The following TNR variants were observed in gnomAD, a reference collection of about 807,000 sequenced individuals.
TNR encodes the protein tenascin-R.
Under a neutral mutation model 150.4 loss-of-function variants are expected in TNR, and 45 were observed. The observed-to-expected ratio is 0.30, with a 90% CI of 0.24 to 0.38. TNR has a LOEUF of 0.38. TNR is among the 10% of genes least tolerant of loss of function. The pLI, the probability that TNR is intolerant of heterozygous loss-of-function variation, is 1.00. For synonymous variants in TNR, 687 were observed against 678.4 expected (o/e 1.01, Z -0.20); for missense variants, 1,544 against 1,759.1 (o/e 0.88, Z 2.19).
intron 1 of TNR, among the ~76,000 whole-genome samples, chr1:175,667,654 C>T (rs1166885969): frequency 2.6e-5 from 4 of 152,164 alleles, no homozygotes; most frequent in Non-Finnish European, 5.9e-5. Flanking sequence ...AGAGGATGGG[C>T]ATTGTCGGGA....
At chr1:175,472,946 C>T (rs1053612964) in intron 2 of TNR, among the ~76,000 whole-genome samples, 2 of 152,094 alleles carry the variant, frequency 1.3e-5, no homozygotes, top group Non-Finnish European at 2.9e-5. Context: ...GGAGATGACA[C>T]TGAGTTAGAA....
At chr1:175,435,609 C>T (rs755720815) in intron 2 of TNR, among the ~76,000 whole-genome samples, 40 of 152,122 alleles carry the variant, frequency 2.6e-4, no homozygotes, top group African/African-American at 2.9e-4. Context: ...AAATGAGCGG[C>T]GTGAGTGTAG....
At chr1:175,666,747 C>T (rs1002958136) in intron 1 of TNR, among the ~76,000 whole-genome samples, 1 of 152,142 alleles carries the variant, frequency 6.6e-6, no homozygotes, top group Non-Finnish European at 1.5e-5. Flanking sequence ...TCCCTAGATT[C>T]GTTGTTGTTA....
At chr1:175,625,403 G>A (rs1015237040) in intron 1 of TNR, among the ~76,000 whole-genome samples, 6 of 152,178 alleles carry the variant, frequency 3.9e-5, no homozygotes, top group South Asian at 2.1e-4. Context: ...GTGTTGGCTC[G>A]CTGGCACTAG....
chr1:175,386,682 T>A (rs536286462), intron 7 of TNR, among the ~76,000 whole-genome samples: 244 of 152,236 alleles, frequency 1.6e-3, no homozygotes, highest in African/African-American at 5.6e-3. Context: ...AGCTCTCACC[T>A]CTTTGAGCCC....
intron 1 of TNR, among the ~76,000 whole-genome samples, chr1:175,586,300 T>A (rs1279429834): frequency 6.6e-6 from 1 of 152,158 alleles, no homozygotes; most frequent in Non-Finnish European, 1.5e-5. Context: ...TTTTTATTTC[T>A]CTTTTCTATA....
intron 1 of TNR, among the ~76,000 whole-genome samples, chr1:175,554,625 G>A (rs1661076354): frequency 1.3e-5 from 2 of 152,300 alleles, no homozygotes; most frequent in Middle Eastern, 3.4e-3. Context: ...TGCAGTATTT[G>A]GTGGCTAAGG....
At chr1:175,681,083 G>A (rs79274608) in intron 1 of TNR, among the ~76,000 whole-genome samples, 5,741 of 152,262 alleles carry the variant, frequency 0.038, 155 homozygotes, top group East Asian at 0.079. Flanking sequence ...AGACAGGTTG[G>A]TGAGTACAAA....
At chr1:175,597,774 T>C (rs114518533) in intron 1 of TNR, among the ~76,000 whole-genome samples, 3,441 of 152,290 alleles carry the variant, frequency 0.023, 129 homozygotes, top group African/African-American at 0.077. Context: ...TCCAAGCATT[T>C]GGCCAGGCCC....
At chr1:175,437,362 G>A (rs1238431843) in intron 2 of TNR, among the ~76,000 whole-genome samples, 1 of 152,166 alleles carries the variant, frequency 6.6e-6, no homozygotes, top group African/African-American at 2.4e-5. Flanking sequence ...AGAATCTCTG[G>A]GACACATTCA....
chr1:175,436,974 A>G (rs1655541936), intron 2 of TNR, among the ~76,000 whole-genome samples: 1 of 152,170 alleles, frequency 6.6e-6, no homozygotes, highest in Non-Finnish European at 1.5e-5. Flanking sequence ...CAGATCAACG[A>G]GAAAGTTAAC....
At chr1:175,647,474 C>T (rs187624264) in intron 1 of TNR, among the ~76,000 whole-genome samples, 9 of 148,404 alleles carry the variant, frequency 6.1e-5, no homozygotes, top group Non-Finnish European at 1.0e-4. Context: ...GTGTCTCAGG[C>T]TGCCTTTTAA....
chr1:175,642,231 G>A (rs1415776333), intron 1 of TNR, among the ~76,000 whole-genome samples: 1 of 152,188 alleles, frequency 6.6e-6, no homozygotes, highest in African/African-American at 2.4e-5. Context: ...TGTGAAAAGT[G>A]TATAGGCATT....
chr1:175,587,844 T>C (rs1367714845), intron 1 of TNR, among the ~76,000 whole-genome samples: 2 of 152,214 alleles, frequency 1.3e-5, no homozygotes, highest in Non-Finnish European at 2.9e-5. Context: ...TCTGGTCTGA[T>C]CAGCCTGTGC....
intron 2 of TNR, among the ~76,000 whole-genome samples, chr1:175,491,622 T>C (rs1471643338): frequency 6.6e-6 from 1 of 151,216 alleles, no homozygotes; most frequent in East Asian, 1.9e-4. Context: ...TGTAATTATG[T>C]CTAAATTTCC....
In TNR at chr1:175,333,870, C is replaced by T. The variant is rs192882148; in HGVS notation, c.3631+1841G>A. ...TCTGAATATACACAGATGGCACTCA[C>T]CACACAAGGAATGTGGGGAAAGGAG... On this transcript the variant is annotated intron_variant, in intron 20 of 22. Coordinates refer to ENST00000367674, the MANE Select transcript of TNR (RefSeq NM_003285.3). Among the ~76,000 whole-genome samples the T allele has an allele frequency of 3.7e-3, 562 of 152,290 alleles. 2 individuals are homozygous for T. The highest frequency in any genetic ancestry group is 6.3e-3 in the Non-Finnish European group (429 of 68,032).
chr1:175,592,829 T>C (rs892340750), intron 1 of TNR, among the ~76,000 whole-genome samples: 9 of 152,172 alleles, frequency 5.9e-5, no homozygotes, highest in African/African-American at 2.2e-4. Flanking sequence ...TAGTTTCAGG[T>C]TGGGCAGTGA....
chr1:175,663,321 G>A (rs555029331), intron 1 of TNR, among the ~76,000 whole-genome samples: 17 of 152,324 alleles, frequency 1.1e-4, no homozygotes, highest in African/African-American at 4.1e-4. Context: ...ATTCCCAGGA[G>A]GAGTATGAGG....
intron 1 of TNR, among the ~76,000 whole-genome samples, chr1:175,683,267 T>C (rs1177814087): frequency 1.3e-5 from 2 of 152,192 alleles, no homozygotes; most frequent in African/African-American, 4.8e-5. Context: ...CACGGAGATC[T>C]AATCAAGAAA....
Sources: allele counts gnomAD v4.1 joint callset (sites outside exome capture counted in the v4.1 genomes callset), GRCh38; gene constraint gnomAD v4.1.1; transcripts MANE v1.5; gene names NCBI Gene and HGNC (gene_info 2026-07-23, HGNC 2026-07-21).